Variants in TBC1D10B observed in about 807,000 individuals in gnomAD.
TBC1D10B encodes Rab27A-GAPbeta.
A neutral mutation model predicts 78.4 loss-of-function variants in TBC1D10B; 25 were observed. That is an observed-to-expected ratio of 0.32 (90% CI 0.23 to 0.45). TBC1D10B has a LOEUF of 0.45. TBC1D10B is among the 20% of genes least tolerant of loss of function. TBC1D10B has a pLI of 1.00. For missense variants in TBC1D10B, 996 were observed against 1,104.8 expected (o/e 0.90, Z 1.40); for synonymous variants, 517 against 478.0 (o/e 1.08, Z -1.06).
rs1381251757 is a variant in TBC1D10B, at chr16:30,358,708, A to C, written c.1752T>G (p.Arg584=). The C allele has an allele frequency of 6.2e-7, 1 of 1,610,706 alleles. No homozygotes were observed. Among genetic ancestry groups the C allele is most frequent in the Non-Finnish European group, 8.5e-7 (1 of 1,177,968 alleles). The stretch of plus-strand genomic sequence containing the variant: ...CCTGCATGCACTGCTGGGGCAGGTT[A>C]CGCAGCTGCTCCATGGTCTCATACA... ...QGMYETMEQL[R]NLPQQCMQED... The change falls in exon 8 of 9, where the codon CGT becomes CGG. Residue 584 remains arginine, a synonymous_variant. Coordinates refer to ENST00000409939, the MANE Select transcript of TBC1D10B (RefSeq NM_015527.4).
chr16:30,365,387 C>T lies in TBC1D10B; in HGVS notation c.1056+108G>A. 7.2e-7 allele frequency: 1 copy of T among 1,393,118 alleles called. No homozygotes were observed. Among genetic ancestry groups the T allele is most frequent in the Non-Finnish European group, 1.0e-6 (1 of 982,028 alleles). The allele number at this position is 1,393,118 out of a possible 1,614,324, so 86.3% of individuals were successfully genotyped here. A position where few individuals can be genotyped will look rare whatever the true frequency, so the allele number is the denominator to read the frequency against. ...ATTCCCCCGCCAGGGCCCATCTATC[C>T]CCAGTGTGGTCCAGAGGGCAGATAT... On this transcript the variant is annotated intron_variant, in intron 2 of 8. Transcript: ENST00000409939. This position sits in a 1 kb window ranked among gnomAD's most constrained non-coding sequence, Gnocchi z 5.0.
At chr16:30,364,587 C>G (rs2049622108) in intron 4 of TBC1D10B, among the ~76,000 whole-genome samples, 1 of 152,040 alleles carries the variant, frequency 6.6e-6, no homozygotes, top group Admixed American at 6.5e-5. Context: ...TTTAAGGGTC[C>G]CTGGTGATCT....
Position 30,369,229 on chromosome 16 carries a change from G to A in TBC1D10B, c.955C>T (p.Leu319=). 1 of 1,576,042 alleles carries A rather than the reference G, an allele frequency of 6.3e-7. No individual in the cohort carries two copies. ...FLGGSQYSGS[L]ESSIPVDVAR... Reference sequence around the variant, plus strand: ...CGCTGGGTGCCCACTGGTACTCACAGGCTGCCCGAGTACTGGCTGCCCCCA... The same window carrying A: ...CGCTGGGTGCCCACTGGTACTCACAAGCTGCCCGAGTACTGGCTGCCCCCA... The change falls in exon 1 of 9, where the codon CTA becomes TTA. Residue 319 remains leucine (L), a splice_region_variant and synonymous_variant. Coordinates refer to ENST00000409939, the MANE Select transcript of TBC1D10B (RefSeq NM_015527.4). The surrounding 1 kb of genome is among the most constrained non-coding windows in gnomAD (Gnocchi z 4.3).
intron 7 of TBC1D10B, 107 bp from the exon 8 acceptor site, chr16:30,358,924 G>A (rs2049580173): frequency 1.1e-5 from 16 of 1,400,896 alleles, no homozygotes; most frequent in Non-Finnish European, 1.5e-5. Context: ...GCCAATCTCA[G>A]ATGAGGAAAC....
rs978215700 is a variant in TBC1D10B, at chr16:30,358,018, C to T, written c.2353G>A (p.Ala785Thr). The T allele has an allele frequency of 4.3e-5, 66 of 1,551,716 alleles. No homozygotes were observed. Among genetic ancestry groups the T allele is most frequent in the African/African-American group, 5.5e-5 (4 of 73,054 alleles). ...TCATGGGGGCCTGGGGGCCCATCTG[C>T]CTTTCGACGCAGCGAAAGCTTCCGG... ...QGRKLSLRRK[A>T]DGPPGPHDGG... The change falls in exon 9 of 9, where the codon GCA (alanine) becomes ACA (threonine). Residue 785 changes from alanine (A) to threonine (T), a missense_variant. Around this residue, in one of 5 missense-constraint regions of TBC1D10B, gnomAD observed 285 missense variants for 252.5 expected, o/e 1.13. Transcript: ENST00000409939.
chr16:30,362,115 C>T (rs1225487893), intron 4 of TBC1D10B, among the ~76,000 whole-genome samples: 1 of 152,134 alleles, frequency 6.6e-6, no homozygotes, highest in African/African-American at 2.4e-5. Flanking sequence ...TCCCAATGTG[C>T]TGGGATTACA....
At chr16:30,360,504 T>TA (rs2049592276) in intron 4 of TBC1D10B, among the ~76,000 whole-genome samples, 1 of 152,052 alleles carries the variant, frequency 6.6e-6, no homozygotes, top group Admixed American at 6.5e-5. Context: ...TTCTTGCCCA[T>TA]AAAAAATGAC....
chr16:30,358,094 C>T lies in TBC1D10B; in HGVS notation c.2277G>A (p.Glu759=), dbSNP rs1365019794. The T allele has an allele frequency of 6.4e-7, 1 of 1,550,842 alleles. No individual in the cohort carries two copies. The highest frequency in any genetic ancestry group is 2.0e-5 in the Admixed American group (1 of 50,986). ...QEKEREKQEK[E]REKQEKERQK... ...GCCGCTCCTTCTCCTGCTTCTCTCG[C>T]TCCTTTTCCTGCTTCTCTCGCTCTT... is the stretch of plus-strand genomic sequence containing the variant. Residue 759 remains glutamate (E), a synonymous_variant, in exon 9 of 9, where the codon GAG becomes GAA. Coordinates refer to ENST00000409939, the MANE Select transcript of TBC1D10B (RefSeq NM_015527.4).
At chr16:30,358,923 A>T in intron 7 of TBC1D10B, 106 bp from the exon 8 acceptor site, 1 of 1,392,256 alleles carries the variant, frequency 7.2e-7, no homozygotes, top group Non-Finnish European at 9.6e-7. Context: ...TGCCAATCTC[A>T]GATGAGGAAA....
chr16:30,368,269 C>T (rs1003220466), intron 1 of TBC1D10B, among the ~76,000 whole-genome samples: 1 of 152,212 alleles, frequency 6.6e-6, no homozygotes, highest in Non-Finnish European at 1.5e-5. Context: ...CTCCACGATT[C>T]AGAGCAGGTT....
Position 30,370,108 on chromosome 16 carries a change from G to A in TBC1D10B, c.76C>T (p.Arg26Trp), listed in dbSNP as rs1162465089. The change falls in exon 1 of 9, where the codon CGG becomes TGG. Residue 26 changes from arginine (R) to tryptophan (W), a missense_variant. Physicochemically the swap from Arg to Trp is moderately radical, Grantham distance 101 (BLOSUM62 -3). This residue lies in a region of TBC1D10B where 448 missense variants were observed against 442.1 expected (regional missense o/e 1.01). Coordinates refer to ENST00000409939, the MANE Select transcript of TBC1D10B (RefSeq NM_015527.4). The stretch of plus-strand genomic sequence containing the variant: ...ACGACGGGCCCGGCCCGGGAACCCC[G>A]GGGCGGCGGCGAGGGGGCCGCGGGG... ...GAPAAPSPPP[R>W]GSRAGPVVVV... The A allele has an allele frequency of 2.5e-6, 3 of 1,220,616 alleles. No homozygotes were observed. Among genetic ancestry groups the A allele is most frequent in the Admixed American group, 4.3e-5 (1 of 23,208 alleles). 75.6% of individuals were successfully genotyped at this position (1,220,616 alleles called of 1,614,324 possible).
intron 4 of TBC1D10B, among the ~76,000 whole-genome samples, chr16:30,361,130 C>A (rs1010702831): frequency 6.6e-6 from 1 of 152,066 alleles, no homozygotes; most frequent in Non-Finnish European, 1.5e-5. Flanking sequence ...ACCAAAAATA[C>A]AAAAATTAGC....
At position 30,358,559 on chromosome 16, in the gene TBC1D10B, C is replaced by T. The variant is rs778531864; in HGVS notation, c.1812G>A (p.Pro604=). The T allele has an allele frequency of 1.6e-5, 25 of 1,599,816 alleles. No individual in the cohort carries two copies. The highest frequency in any genetic ancestry group is 3.3e-4 in the Middle Eastern group (2 of 6,026). ...DFLVHEVTNL[P]VTEALIEREN... ...CCCGCTCAATCAGTGCTTCTGTCAC[C>T]GGCAGATTGGTCACCTGCACAGAGA... is the stretch of plus-strand genomic sequence containing the variant. The change falls in exon 9 of 9, where the codon CCG becomes CCA. Residue 604 remains proline, a synonymous_variant. Transcript: ENST00000409939.
At chr16:30,359,051 T>C (rs1470581221) in intron 7 of TBC1D10B, 121 bp downstream of exon 7, 2 of 1,342,704 alleles carry the variant, frequency 1.5e-6, no homozygotes, top group Non-Finnish European at 2.0e-6. Flanking sequence ...CCCAGCTGCT[T>C]ATGGTGAAAC....
At position 30,369,214 on chromosome 16, in the gene TBC1D10B, C is replaced by T. The variant is rs1469520597; in HGVS notation, c.956+14G>A. 1.9e-6 allele frequency: 3 copies of T among 1,560,680 alleles called. No individual in the cohort carries two copies. Among genetic ancestry groups the T allele is most frequent in the Non-Finnish European group, 2.6e-6 (3 of 1,152,902 alleles). ...TCCCCGAGGCGGTCCCGCTGGGTGC[C>T]CACTGGTACTCACAGGCTGCCCGAG... On this transcript the variant is annotated intron_variant, in intron 1 of 8. Coordinates refer to ENST00000409939, the MANE Select transcript of TBC1D10B (RefSeq NM_015527.4). The surrounding 1 kb of genome is among the most constrained non-coding windows in gnomAD (Gnocchi z 4.3).
intron 4 of TBC1D10B, among the ~76,000 whole-genome samples, chr16:30,363,135 T>C (rs752583291): frequency 7.9e-5 from 12 of 152,260 alleles, no homozygotes; most frequent in East Asian, 5.8e-4. Flanking sequence ...AGCAACTCCA[T>C]TCTTCTCATT....
At chr16:30,360,036 A>C in intron 4 of TBC1D10B, 195 bp from the exon 5 acceptor site, 1 of 573,390 alleles carries the variant, frequency 1.7e-6, no homozygotes, top group Non-Finnish European at 3.1e-6. Context: ...TTGGCTACAT[A>C]CTCCACATGC....
At position 30,358,267 on chromosome 16, in the gene TBC1D10B, G is replaced by A. The variant is rs1274065446; in HGVS notation, c.2104C>T (p.His702Tyr). The A allele has an allele frequency of 6.3e-7, 1 of 1,581,326 alleles. No individual in the cohort carries two copies. The highest frequency in any genetic ancestry group is 2.3e-5 in the East Asian group (1 of 42,966). ...PGPVVTAEGL[H>Y]PSLPSPTGNS... ...CCAGTGGGTGAGGGAAGGGATGGAT[G>A]CAGTCCCTCAGCAGTGACCACAGGC... is the stretch of plus-strand genomic sequence containing the variant. Residue 702 changes from histidine to tyrosine, a missense_variant, in exon 9 of 9, where the codon CAT becomes TAT. His to Tyr is a moderately conservative substitution (Grantham distance 83, BLOSUM62 2). Coordinates refer to ENST00000409939, the MANE Select transcript of TBC1D10B (RefSeq NM_015527.4).
Position 30,369,231 on chromosome 16 carries a change from C to T in TBC1D10B, c.953G>A (p.Ser318Asn). The part of the protein sequence containing the change: ...GFLGGSQYSG[S>N]LESSIPVDVA... Reference sequence around the variant, plus strand: ...CTGGGTGCCCACTGGTACTCACAGGCTGCCCGAGTACTGGCTGCCCCCAAG... The same window carrying T: ...CTGGGTGCCCACTGGTACTCACAGGTTGCCCGAGTACTGGCTGCCCCCAAG... Residue 318 changes from serine (S) to asparagine (N), a missense_variant, in exon 1 of 9, where the codon AGC becomes AAC. Ser to Asn is a conservative substitution (Grantham distance 46, BLOSUM62 1). Around this residue, in one of 5 missense-constraint regions of TBC1D10B, gnomAD observed 448 missense variants for 442.1 expected, o/e 1.01. Coordinates refer to ENST00000409939, the MANE Select transcript of TBC1D10B (RefSeq NM_015527.4). This position sits in a 1 kb window ranked among gnomAD's most constrained non-coding sequence, Gnocchi z 4.3. 1 of 1,576,350 alleles carries T rather than the reference C, an allele frequency of 6.3e-7. No individual in the cohort carries two copies.
Sources: allele counts gnomAD v4.1 joint callset (sites outside exome capture counted in the v4.1 genomes callset), GRCh38; gene constraint gnomAD v4.1.1; regional missense constraint gnomAD v4.1.1; non-coding constraint Gnocchi (gnomAD v3.1); transcripts MANE v1.5; gene names NCBI Gene and HGNC (gene_info 2026-07-23, HGNC 2026-07-21).